Variants in RPS6KC1 observed in about 807,000 individuals in gnomAD.
RPS6KC1 encodes the protein inactive ribosomal protein S6 kinase delta-1.
Under a neutral mutation model 103.8 loss-of-function variants are expected in RPS6KC1, and 54 were observed. That is an observed-to-expected ratio of 0.52 (90% CI 0.42 to 0.65). The LOEUF (loss-of-function observed/expected upper bound fraction) is 0.65. Among genes scored for constraint, RPS6KC1 ranks in the 30% least tolerant of loss-of-function variants. RPS6KC1 has a pLI of 0.00. For synonymous variants in RPS6KC1, 439 were observed against 438.7 expected, an observed-to-expected ratio of 1.00 and a Z score of -0.01; for missense variants, 1,151 against 1,253.8, an observed-to-expected ratio of 0.92 and a Z score of 1.24.
At chr1:213,406,961 T>A in the RPS6KC1 span, among the ~76,000 whole-genome samples, 1 of 152,166 alleles carries the variant, frequency 6.6e-6, no homozygotes, top group African/African-American at 2.4e-5. Context: ...TTTACCCAGT[T>A]CATTCACTTG....
At chr1:213,738,927 GT>G in the RPS6KC1 span, among the ~76,000 whole-genome samples, 1,739 of 143,078 alleles carry the variant, frequency 0.012, 30 homozygotes, top group African/African-American at 0.038. Context: ...TCTAAGGAAG[GT>G]TTTTTTTTTT....
chr1:213,830,110 A>G, the RPS6KC1 span, among the ~76,000 whole-genome samples: 1 of 152,152 alleles, frequency 6.6e-6, no homozygotes, highest in African/African-American at 2.4e-5. Flanking sequence ...CGTGAGGAAA[A>G]CTGCCTTGAC....
At chr1:213,394,271 A>G in the RPS6KC1 span, among the ~76,000 whole-genome samples, 6 of 152,174 alleles carry the variant, frequency 3.9e-5, no homozygotes, top group Admixed American at 3.9e-4. Context: ...GATCCAGCTC[A>G]TGCTCGTGCC....
At chr1:213,789,915 G>C in the RPS6KC1 span, among the ~76,000 whole-genome samples, 1 of 150,344 alleles carries the variant, frequency 6.7e-6, no homozygotes, top group Non-Finnish European at 1.5e-5. Context: ...TGTGTTCAAG[G>C]CCAGGAAAAA....
At chr1:213,436,161 C>T in the RPS6KC1 span, among the ~76,000 whole-genome samples, 6 of 152,060 alleles carry the variant, frequency 3.9e-5, no homozygotes, top group African/African-American at 9.7e-5. Context: ...CTGGGTTGAA[C>T]GCAACAGTCT....
intron 12 of RPS6KC1, among the ~76,000 whole-genome samples, chr1:213,244,571 A>G (rs1359066408): frequency 6.6e-6 from 1 of 152,268 alleles, no homozygotes; most frequent in East Asian, 1.9e-4. Context: ...TTTATTCTCA[A>G]GCACAGTCAT....
the RPS6KC1 span, among the ~76,000 whole-genome samples, chr1:213,446,819 CA>C: frequency 6.6e-6 from 1 of 152,188 alleles, no homozygotes; most frequent in Admixed American, 6.5e-5. Context: ...ACTGATTCAA[CA>C]AAAGCCCTGT....
At chr1:213,083,507 A>G (rs1456883211) in intron 3 of RPS6KC1, among the ~76,000 whole-genome samples, 2 of 152,184 alleles carry the variant, frequency 1.3e-5, no homozygotes, top group Non-Finnish European at 2.9e-5. Flanking sequence ...ACTTGTCTAT[A>G]GTTTCACAGG....
intron 12 of RPS6KC1, among the ~76,000 whole-genome samples, chr1:213,258,601 T>C (rs182741366): frequency 6.6e-6 from 1 of 152,342 alleles, no homozygotes; most frequent in African/African-American, 2.4e-5. Flanking sequence ...TACCTTATTA[T>C]GGAAGCCGAA....
intron 8 of RPS6KC1, among the ~76,000 whole-genome samples, chr1:213,192,155 T>A (rs891523324): frequency 1.3e-5 from 2 of 152,190 alleles, no homozygotes; most frequent in Non-Finnish European, 2.9e-5. Context: ...ATGATATGGG[T>A]TTTGTCTTTC....
the RPS6KC1 span, among the ~76,000 whole-genome samples, chr1:213,574,699 G>A: frequency 2.6e-5 from 4 of 152,220 alleles, no homozygotes; most frequent in African/African-American, 9.6e-5. Flanking sequence ...TGCTCATGAT[G>A]TGAGCAGTTC....
At chr1:213,082,778 A>G (rs938236190) in intron 3 of RPS6KC1, among the ~76,000 whole-genome samples, 1 of 152,206 alleles carries the variant, frequency 6.6e-6, no homozygotes, top group Admixed American at 6.5e-5. Context: ...TGAAAATGCT[A>G]TCTTTCTGGA....
At chr1:213,498,499 G>A in the RPS6KC1 span, among the ~76,000 whole-genome samples, 1 of 152,122 alleles carries the variant, frequency 6.6e-6, no homozygotes, top group Non-Finnish European at 1.5e-5. Flanking sequence ...CTGTCGCCCA[G>A]GCTGGAGTGC....
At chr1:213,218,098 A>G (rs1206177672) in intron 8 of RPS6KC1, among the ~76,000 whole-genome samples, 2 of 151,832 alleles carry the variant, frequency 1.3e-5, no homozygotes, top group Non-Finnish European at 2.9e-5. Context: ...CTGTTTGCAG[A>G]TGACATGATT....
At chr1:213,552,331 C>T in the RPS6KC1 span, among the ~76,000 whole-genome samples, 7 of 152,330 alleles carry the variant, frequency 4.6e-5, no homozygotes, top group South Asian at 1.2e-3. Flanking sequence ...TTTGCATTTC[C>T]ACCAGCAATG....
the RPS6KC1 span, among the ~76,000 whole-genome samples, chr1:213,315,680 C>A: frequency 6.6e-6 from 1 of 152,100 alleles, no homozygotes; most frequent in African/African-American, 2.4e-5. Context: ...TTAAGTCAGG[C>A]AGACCTGAGT....
At chr1:213,251,797 A>G (rs1291948349) in intron 12 of RPS6KC1, among the ~76,000 whole-genome samples, 2 of 152,194 alleles carry the variant, frequency 1.3e-5, no homozygotes, top group Non-Finnish European at 2.9e-5. Context: ...TATTTATTCA[A>G]CAAACATTTA....
chr1:213,436,366 C>T, the RPS6KC1 span, among the ~76,000 whole-genome samples: 1 of 152,038 alleles, frequency 6.6e-6, no homozygotes, highest in African/African-American at 2.4e-5. Context: ...GTGGAAAACT[C>T]TGTGATAGAA....
chr1:213,698,167 G>C, the RPS6KC1 span, among the ~76,000 whole-genome samples: 1 of 152,110 alleles, frequency 6.6e-6, no homozygotes, highest in Admixed American at 6.6e-5. Context: ...TAACTCCATC[G>C]TACATTGAGG....
Sources: allele counts gnomAD v4.1 joint callset (sites outside exome capture counted in the v4.1 genomes callset), GRCh38; gene constraint gnomAD v4.1.1; transcripts MANE v1.5; gene names NCBI Gene and HGNC (gene_info 2026-07-23, HGNC 2026-07-21).